FBXO2: variants seen among roughly 807,000 people sequenced by gnomAD.
FBXO2 encodes F-box only protein 2.
In FBXO2, 32 loss-of-function variants were observed where a neutral mutation model predicts 38.6. The ratio of observed to expected loss-of-function variants is 0.83; its 90% CI spans 0.62 to 1.11. The LOEUF (loss-of-function observed/expected upper bound fraction) is 1.11, where lower values mean the gene tolerates loss of function less well. Among genes scored for constraint, FBXO2 ranks in the 50% most tolerant of loss-of-function variants. The probability of loss-of-function intolerance (pLI) is 0.00; values close to 1 mark genes in which losing one functional copy is unlikely to be tolerated. For synonymous variants in FBXO2, 189 were observed against 182.9 expected (o/e 1.03, Z -0.27); for missense variants, 450 against 418.3 (o/e 1.08, Z -0.66).
In FBXO2 at chr1:11,649,922, C is replaced by T. The variant is rs139935373; in HGVS notation, c.521+23G>A. 2,402 of 1,613,900 alleles carry T rather than the reference C, an allele frequency of 1.5e-3. 4 individuals are homozygous for T. The highest frequency in any genetic ancestry group is 1.8e-3 in the Non-Finnish European group (2,114 of 1,179,900). The stretch of plus-strand genomic sequence containing the variant: ...AGAGCGAACGCTCCCCCCTTCCCAC[C>T]TCCTCCACCCCCTTCTCCTTACTCA... On this transcript the variant is annotated intron_variant, in intron 3 of 5. Coordinates refer to ENST00000354287, the MANE Select transcript of FBXO2 (RefSeq NM_012168.6).
rs1327538831 is a variant in FBXO2 at position 11,649,975 on chromosome 1, C to T, written c.491G>A (p.Ser164Asn). Residue 164 changes from serine (S) to asparagine (N), a missense_variant, in exon 3 of 6, where the codon AGC (serine) becomes AAC (asparagine). Physicochemically the swap from Ser to Asn is conservative, Grantham distance 46. Coordinates refer to ENST00000354287, the MANE Select transcript of FBXO2 (RefSeq NM_012168.6). ...DSGVEFTHDESVKKYFASSFE... is the reference protein window; with the variant it reads ...DSGVEFTHDENVKKYFASSFE... ...GGAGGAGGCGAAGTACTTCTTGACGCTCTCATCGTGGGTGAACTCCACCCC... is the reference window on the plus strand; with the variant it reads ...GGAGGAGGCGAAGTACTTCTTGACGTTCTCATCGTGGGTGAACTCCACCCC... 3 of 1,614,052 alleles carry T rather than the reference C, an allele frequency of 1.9e-6. No individual in the cohort carries two copies. Among genetic ancestry groups the T allele is most frequent in the Non-Finnish European group, 2.5e-6 (3 of 1,180,016 alleles).
chr1:11,650,430 A>T (rs775072923), intron 2 of FBXO2, 36 bp downstream of exon 2: 8 of 1,594,966 alleles, frequency 5.0e-6, no homozygotes, highest in Non-Finnish European at 6.8e-6. Flanking sequence ...ATTTCGCAGC[A>T]GGGGAAGCTG....
Position 11,649,767 on chromosome 1 carries a change from G to A in FBXO2, c.617+12C>T, listed in dbSNP as rs1372455832. 1 of 1,613,156 alleles carries A rather than the reference G, an allele frequency of 6.2e-7. No individual in the cohort carries two copies. Among genetic ancestry groups the A allele is most frequent in the Non-Finnish European group, 8.5e-7 (1 of 1,179,634 alleles). ...CTCCTCCCAGCCCCATGCCACCCCAGGACCCTCTCACCAGTCCTTCACCAC... is the reference window on the plus strand; with the variant it reads ...CTCCTCCCAGCCCCATGCCACCCCAAGACCCTCTCACCAGTCCTTCACCAC... On this transcript the variant is annotated intron_variant, in intron 4 of 5. Coordinates refer to ENST00000354287, the MANE Select transcript of FBXO2 (RefSeq NM_012168.6).
rs1639467094 is a variant in FBXO2, at chr1:11,648,999, A to AGCCCAGCCCAGCCCG, written c.756+87_756+88insCGGGCTGGGCTGGGC. 3.8e-6 allele frequency: 5 copies of AGCCCAGCCCAGCCCG among 1,316,968 alleles called. No individual in the cohort carries two copies. Among genetic ancestry groups the AGCCCAGCCCAGCCCG allele is most frequent in the Non-Finnish European group, 4.2e-6 (4 of 954,250 alleles). The allele number at this position is 1,316,968 out of a possible 1,614,324, so 81.6% of individuals were successfully genotyped here. On this transcript the variant is annotated intron_variant, in intron 5 of 5. Transcript: ENST00000354287. The surrounding 1 kb of genome is among the most constrained non-coding windows in gnomAD (Gnocchi z 4.2). Reference sequence around the variant, plus strand: ...AGCCCAGCCCAGCCCAGCCCACCCCAGCCCAGGAGCGCTGTGGGCGGGGTC... The same window carrying AGCCCAGCCCAGCCCG: ...AGCCCAGCCCAGCCCAGCCCACCCCAGCCCAGCCCAGCCCGGCCCAGGAGCGCTGTGGGCGGGGTC...
At chr1:11,650,856 A>G (rs2100586693) in intron 1 of FBXO2, 22 bp from the exon 2 acceptor site, 2 of 1,557,486 alleles carry the variant, frequency 1.3e-6, no homozygotes. Context: ...GATGGGTGGG[A>G]GGCTGTGATT....
At position 11,654,372 on chromosome 1, in the gene FBXO2, C is replaced by A. The variant is rs1289476732; in HGVS notation, c.-32G>T. On this transcript the variant is annotated 5_prime_UTR_variant, in exon 1 of 6. Coordinates refer to ENST00000354287, the MANE Select transcript of FBXO2 (RefSeq NM_012168.6). ...GGAGGGCGGTCGCGAGAGGAGGAGC[C>A]GGAGCGCTGCGGGCTGCGCGAGTCC... 1.4e-6 allele frequency: 2 copies of A among 1,384,440 alleles called. No individual in the cohort carries two copies. The highest frequency in any genetic ancestry group is 7.2e-5 in the Admixed American group (2 of 27,950). 85.8% of individuals were successfully genotyped at this position (1,384,440 alleles called of 1,614,324 possible). A position where few individuals can be genotyped will look rare whatever the true frequency, so the allele number is the denominator to read the frequency against.
Position 11,648,718 on chromosome 1 carries a change from G to A in FBXO2, c.867C>T (p.Asn289=). 3 of 1,613,396 alleles carry A rather than the reference G, an allele frequency of 1.9e-6. No individual in the cohort carries two copies. In the South Asian group the frequency reaches 3.3e-5, roughly 18 times the overall value. The change falls in exon 6 of 6, where the codon AAC becomes AAT. Residue 289 remains asparagine, a synonymous_variant. Transcript: ENST00000354287. This position sits in a 1 kb window ranked among gnomAD's most constrained non-coding sequence, Gnocchi z 4.2. ...WKGWFGARVT[N]SSVWVEP ...CTCAGGGTTCTACCCACACGCTGCT[G>A]TTGGTCACCCGGGCCCCGAACCAGC...
Position 11,652,151 on chromosome 1 carries a change from C to T in FBXO2, c.23-1317G>A, listed in dbSNP as rs151337539. ...GGCCAGGATTTTGACTTTGCAGGTG[C>T]AAATGCTCAGGCTCAGGGATGAAGT... is the stretch of plus-strand genomic sequence containing the variant. On this transcript the variant is annotated intron_variant, in intron 1 of 5. Coordinates refer to ENST00000354287, the MANE Select transcript of FBXO2 (RefSeq NM_012168.6). Among the ~76,000 whole-genome samples the T allele has an allele frequency of 3.5e-3, 530 of 152,288 alleles. 3 individuals carry two copies. The highest frequency in any genetic ancestry group is 0.011 in the African/African-American group (477 of 41,560).
At chr1:11,649,474 C>T in intron 4 of FBXO2, 2 of 592,034 alleles carry the variant, frequency 3.4e-6, no homozygotes, top group South Asian at 4.1e-5. Flanking sequence ...CAGCTTGGGG[C>T]CAAAGCCAGT....
intron 4 of FBXO2, 162 bp from the exon 5 acceptor site, chr1:11,649,387 AG>A (rs1570218547): frequency 1.1e-5 from 7 of 645,460 alleles, no homozygotes; most frequent in Non-Finnish European, 1.8e-5. Context: ...TTTACAGATA[AG>A]GGAAACGAGG....
intron 4 of FBXO2, 87 bp downstream of exon 4, chr1:11,649,692 A>G: frequency 3.6e-6 from 5 of 1,398,198 alleles, no homozygotes; most frequent in Non-Finnish European, 5.0e-6. Flanking sequence ...GGGAGGCAGC[A>G]CCCCCAGGCG....
In FBXO2 at chr1:11,650,762, G is replaced by A. The variant is rs930483787; in HGVS notation, c.95C>T (p.Pro32Leu). 5.2e-6 allele frequency: 8 copies of A among 1,532,014 alleles called. No individual in the cohort carries two copies. The Admixed American group carries it at 9.9e-5, about 19-fold the overall frequency. 94.9% of individuals were successfully genotyped at this position (1,532,014 alleles called of 1,614,324 possible). A position where few individuals can be genotyped will look rare whatever the true frequency, so the allele number is the denominator to read the frequency against. Residue 32 changes from proline to leucine, a missense_variant, in exon 2 of 6, where the codon CCG becomes CTG. Physicochemically the swap from Pro to Leu is moderately conservative, Grantham distance 98 (BLOSUM62 -3). Transcript: ENST00000354287. Reference sequence around the variant, plus strand: ...CGCCTCCTCCTCCTGCTGGTCCTCCGGCCGCTCCTCCTCAGCACTCGCCTC... The same window carrying A: ...CGCCTCCTCCTCCTGCTGGTCCTCCAGCCGCTCCTCCTCAGCACTCGCCTC... ...PEEASAEEER[P>L]EDQQEEEAAA...
chr1:11,648,490 A>T lies in FBXO2; in HGVS notation c.*204T>A. 1 of 659,294 alleles carries T rather than the reference A, an allele frequency of 1.5e-6. No homozygotes were observed. Among genetic ancestry groups the T allele is most frequent in the Non-Finnish European group, 2.6e-6 (1 of 391,452 alleles). The allele number at this position is 659,294 out of a possible 1,614,324, so 40.8% of individuals were successfully genotyped here. Reference sequence around the variant, plus strand: ...CCAGTCCAAGCTCACGCCCTCACGGATCTACATTCTAGAAGCCGGCTACCT... The same window carrying T: ...CCAGTCCAAGCTCACGCCCTCACGGTTCTACATTCTAGAAGCCGGCTACCT... On this transcript the variant is annotated 3_prime_UTR_variant, in exon 6 of 6. Coordinates refer to ENST00000354287, the MANE Select transcript of FBXO2 (RefSeq NM_012168.6). The surrounding 1 kb of genome is among the most constrained non-coding windows in gnomAD (Gnocchi z 4.2).
intron 1 of FBXO2, 103 bp downstream of exon 1, chr1:11,654,216 A>G (rs1639610680): frequency 7.8e-7 from 1 of 1,281,706 alleles, no homozygotes; most frequent in Non-Finnish European, 1.0e-6. Flanking sequence ...TTGCCGCGCC[A>G]GGTCTCCGGG....
intron 1 of FBXO2, chr1:11,653,952 C>T (rs1186997827): frequency 4.3e-6 from 1 of 230,070 alleles, no homozygotes. Context: ...CGGCCCAAGG[C>T]CCAGAGCTGG....
intron 1 of FBXO2, chr1:11,654,099 G>GAGTT (rs1329634537): frequency 2.2e-6 from 1 of 461,618 alleles, no homozygotes; most frequent in Admixed American, 4.4e-5. Flanking sequence ...TGGGACCCAG[G>GAGTT]AGTTCTCTCT....
intron 1 of FBXO2, 22 bp downstream of exon 1, chr1:11,654,297 G>A (rs983070962): frequency 6.0e-6 from 9 of 1,490,082 alleles, no homozygotes; most frequent in African/African-American, 1.5e-5. Flanking sequence ...CCGCCGCAGC[G>A]AGCGGTCCAG....
Position 11,648,517 on chromosome 1 carries a change from A to G in FBXO2, c.*177T>C. 1.1e-6 allele frequency: 1 copy of G among 873,424 alleles called. No individual in the cohort carries two copies. The allele number at this position is 873,424 out of a possible 1,614,324, so 54.1% of individuals were successfully genotyped here. A position where few individuals can be genotyped will look rare whatever the true frequency, so the allele number is the denominator to read the frequency against. On this transcript the variant is annotated 3_prime_UTR_variant, in exon 6 of 6. Coordinates refer to ENST00000354287, the MANE Select transcript of FBXO2 (RefSeq NM_012168.6). This position sits in a 1 kb window ranked among gnomAD's most constrained non-coding sequence, Gnocchi z 4.2. ...CTACATTCTAGAAGCCGGCTACCTA[A>G]GCAAACCTATGCCAACAAAACTTCT...
chr1:11,651,393 C>T (rs1400412788), intron 1 of FBXO2, among the ~76,000 whole-genome samples: 1 of 152,232 alleles, frequency 6.6e-6, no homozygotes, highest in East Asian at 1.9e-4. Flanking sequence ...GCATCTGGCA[C>T]TTTCCTGGTC....
Sources: gnomAD v4.1 joint callset for allele counts (sites outside exome capture counted in the v4.1 genomes callset) on GRCh38, gnomAD v4.1.1 for gene constraint, Gnocchi (gnomAD v3.1) non-coding constraint, MANE v1.5 for transcripts, NCBI Gene and HGNC (gene_info 2026-07-23, HGNC 2026-07-21) for gene names.